DMD: variants seen among roughly 807,000 people sequenced by gnomAD.
DMD encodes the protein dystrophin.
In DMD, 63 loss-of-function variants were observed where a neutral mutation model predicts 330.1. The observed-to-expected ratio is 0.19, with a 90% CI of 0.16 to 0.24. DMD has a LOEUF of 0.24. DMD is among the 10% of genes least tolerant of loss of function. DMD has a pLI of 1.00. For synonymous variants in DMD, 1,223 were observed against 959.8 expected (o/e 1.27, Z -5.07); for missense variants, 3,344 against 2,684.1 (o/e 1.25, Z -5.43).
At chrX:33,168,231 C>T (rs1269327289) in intron 1 of DMD, among the ~76,000 whole-genome samples, 2 of 110,865 alleles carry the variant, frequency 1.8e-5, no homozygotes, top group African/African-American at 6.5e-5. Flanking sequence ...TAATGGCAAA[C>T]ATATATACAA....
At chrX:32,094,598 A>G (rs1042592634) in intron 44 of DMD, among the ~76,000 whole-genome samples, 8 of 112,268 alleles carry the variant, frequency 7.1e-5, no homozygotes, top group Non-Finnish European at 1.5e-4. Flanking sequence ...ATTAAGAAAT[A>G]CACAATCTCC....
intron 42 of DMD, among the ~76,000 whole-genome samples, chrX:32,294,140 G>A (rs1425709022): frequency 9.0e-6 from 1 of 111,530 alleles, no homozygotes; most frequent in Non-Finnish European, 1.9e-5. Flanking sequence ...ATTCTTTTAA[G>A]TCACTGTCTC....
chrX:32,893,559 C>A lies in DMD; in HGVS notation c.94-43739G>T, dbSNP rs777918591. Among the ~76,000 whole-genome samples the A allele has an allele frequency of 3.6e-5, 4 of 112,186 alleles. No individual in the cohort carries two copies. The East Asian group carries it at 1.1e-3, about 31-fold the overall frequency. ...CTTTGTCTTATCAAAGCCATTAAAA[C>A]CCCTCAGAGGTGATTAAATTTGCTG... On this transcript the variant is annotated intron_variant, in intron 2 of 78. Transcript: ENST00000357033.
chrX:31,272,712 T>C (rs1385985525), intron 62 of DMD, among the ~76,000 whole-genome samples: 1 of 112,398 alleles, frequency 8.9e-6, no homozygotes, highest in Non-Finnish European at 1.9e-5. Context: ...ATTAACCCTT[T>C]GATCTACCCA....
intron 2 of DMD, among the ~76,000 whole-genome samples, chrX:33,016,743 A>G (rs1305522673): frequency 5.4e-5 from 6 of 111,972 alleles, no homozygotes; most frequent in African/African-American, 1.3e-4. Flanking sequence ...ATCTCTCTCA[A>G]TTGAGCTGGC....
rs190417091 is a variant in DMD, at chrX:33,036,488, C to T, written c.32-16288G>A. On this transcript the variant is annotated intron_variant, in intron 1 of 78. Coordinates refer to ENST00000357033, the MANE Select transcript of DMD (RefSeq NM_004006.3). ...TTGAAAAATGGTCTCATAATTTTTG[C>T]TATTAAAATAGTCTTGCAATTACTA... Among the ~76,000 whole-genome samples, 10 of 110,554 alleles carry T rather than the reference C, an allele frequency of 9.0e-5. No individual in the cohort carries two copies. The East Asian group carries it at 2.6e-3, about 28-fold the overall frequency.
intron 52 of DMD, among the ~76,000 whole-genome samples, chrX:31,721,698 C>CCA (rs2085527353): frequency 3.0e-5 from 2 of 65,739 alleles, no homozygotes; most frequent in South Asian, 8.1e-4. Context: ...CTCTCTCTCT[C>CCA]TCTCTCTCTC....
chrX:32,394,158 C>A (rs1603632427), intron 30 of DMD, among the ~76,000 whole-genome samples: 3 of 111,565 alleles, frequency 2.7e-5, no homozygotes, highest in Admixed American at 9.6e-5. Context: ...TTTAAAAAAA[C>A]CTGTTTAAAG....
At chrX:31,303,883 A>G (rs908288468) in intron 62 of DMD, among the ~76,000 whole-genome samples, 1 of 111,956 alleles carries the variant, frequency 8.9e-6, no homozygotes, top group East Asian at 2.8e-4. Context: ...TTCCCTGGCT[A>G]TACTTTGGAG....
chrX:31,203,288 GAAAA>G (rs775067715), intron 67 of DMD, among the ~76,000 whole-genome samples: 1 of 69,671 alleles, frequency 1.4e-5, no homozygotes, highest in Non-Finnish European at 2.5e-5. Flanking sequence ...ACTCAAAAAA[GAAAA>G]AAAAAAAAAA....
chrX:31,540,720 T>C (rs1444007561), intron 55 of DMD, among the ~76,000 whole-genome samples: 1 of 111,943 alleles, frequency 8.9e-6, no homozygotes, highest in East Asian at 2.8e-4. Flanking sequence ...GGAGTTCTTA[T>C]AATACCAGAA....
Position 32,081,348 on chromosome X carries a change from C to T in DMD, c.6439-112834G>A, listed in dbSNP as rs755366190. On this transcript the variant is annotated intron_variant, in intron 44 of 78. Transcript: ENST00000357033. ...GGACAAGTGACACAGGAAACTGACA[C>T]CATGCTGATCATACTTTTGATGCCT... Among the ~76,000 whole-genome samples the T allele has an allele frequency of 9.8e-5, 11 of 111,960 alleles. No homozygotes were observed. In the South Asian group the frequency reaches 3.0e-3, roughly 31 times the overall value.
intron 48 of DMD, among the ~76,000 whole-genome samples, chrX:31,847,153 GT>G (rs1432586277): frequency 9.0e-6 from 1 of 111,699 alleles, no homozygotes; most frequent in African/African-American, 3.2e-5. Context: ...CTATTGAAAT[GT>G]TTCCTATTAC....
intron 2 of DMD, among the ~76,000 whole-genome samples, chrX:32,949,335 T>A (rs777072716): frequency 1.2e-5 from 1 of 80,871 alleles, no homozygotes; most frequent in African/African-American, 4.8e-5. Context: ...GATAGGTAGG[T>A]AGGTAGGTAG....
intron 71 of DMD, among the ~76,000 whole-genome samples, chrX:31,177,536 C>T (rs2040648401): frequency 9.0e-6 from 1 of 111,605 alleles, no homozygotes; most frequent in Non-Finnish European, 1.9e-5. Flanking sequence ...AGCATCGAAT[C>T]TCAAGAAATA....
chrX:33,259,094 C>T (rs181890985), intron 1 of DMD, among the ~76,000 whole-genome samples: 1 of 111,034 alleles, frequency 9.0e-6, no homozygotes, highest in South Asian at 3.7e-4. Flanking sequence ...GAGCATATGG[C>T]GCTTTACTGT....
chrX:31,207,381 C>G (rs896301254), intron 65 of DMD, among the ~76,000 whole-genome samples: 2 of 76,180 alleles, frequency 2.6e-5, no homozygotes, highest in African/African-American at 7.7e-5. Context: ...AAGCATTTCA[C>G]ATAACAAATT....
chrX:32,711,791 T>A (rs2065216312), intron 7 of DMD, among the ~76,000 whole-genome samples: 1 of 111,898 alleles, frequency 8.9e-6, no homozygotes, highest in Non-Finnish European at 1.9e-5. Flanking sequence ...TTCTTTTAGC[T>A]ATCCATTTAT....
chrX:32,055,071 C>A (rs1250646097), intron 44 of DMD, among the ~76,000 whole-genome samples: 1 of 111,288 alleles, frequency 9.0e-6, no homozygotes, highest in Non-Finnish European at 1.9e-5. Context: ...CAAAACAGCC[C>A]ATCATAGAGT....
Sources: allele counts gnomAD v4.1 joint callset (sites outside exome capture counted in the v4.1 genomes callset), GRCh38; gene constraint gnomAD v4.1.1; transcripts MANE v1.5; gene names NCBI Gene and HGNC (gene_info 2026-07-23, HGNC 2026-07-21).